The following ST3GAL5 variants were observed in gnomAD, a reference collection of about 807,000 sequenced individuals.
The protein encoded by ST3GAL5 is lactosylceramide alpha-2,3-sialyltransferase.
ST3GAL5 carries 25 observed loss-of-function variants against 46.1 expected under a neutral mutation model. The observed-to-expected ratio is 0.54, with a 90% CI of 0.40 to 0.76. ST3GAL5 has a LOEUF of 0.76. ST3GAL5 is among the 30% of genes least tolerant of loss of function. The pLI is 0.00. For synonymous variants in ST3GAL5, 182 were observed against 192.7 expected, an observed-to-expected ratio of 0.94 and a Z score of 0.46; for missense variants, 431 against 521.2, an observed-to-expected ratio of 0.83 and a Z score of 1.69.
At chr2:85,862,499 T>TAA (rs61164697) in intron 2 of ST3GAL5, among the ~76,000 whole-genome samples, 16 of 150,376 alleles carry the variant, frequency 1.1e-4, no homozygotes, top group South Asian at 4.2e-4. Context: ...TATTTTGATT[T>TAA]AAAAAAAAAA....
chr2:85,843,735 C>T (rs985064703), intron 6 of ST3GAL5, among the ~76,000 whole-genome samples: 3 of 152,216 alleles, frequency 2.0e-5, no homozygotes, highest in East Asian at 1.9e-4. Flanking sequence ...CACACCCCCA[C>T]GCCCCTGGTG....
At chr2:85,875,533 G>A (rs1573700896) in intron 1 of ST3GAL5, 3 of 152,072 alleles carry the variant, frequency 2.0e-5, no homozygotes, top group Non-Finnish European at 2.9e-5. Flanking sequence ...AAAATGTTAC[G>A]ATTCTCACTC....
intron 1 of ST3GAL5, among the ~76,000 whole-genome samples, chr2:85,881,870 C>T (rs997319126): frequency 2.6e-5 from 4 of 152,224 alleles, no homozygotes; most frequent in African/African-American, 4.8e-5. Flanking sequence ...TAATGTTAAT[C>T]CCCAAGACCC....
chr2:85,838,241 G>T lies in ST3GAL5; in HGVS notation c.*1903C>A, dbSNP rs11127002. The T allele has an allele frequency of 0.45, 68,128 of 151,958 alleles. 15,703 individuals carry two copies. The highest frequency in any genetic ancestry group is 0.56 in the East Asian group (2,893 of 5,146). The allele number at this position is 151,958 out of a possible 1,614,324, so 9.4% of individuals were successfully genotyped here. A position where few individuals can be genotyped will look rare whatever the true frequency, so the allele number is the denominator to read the frequency against. Reference sequence around the variant, plus strand: ...TGGGGATGGGAGCAGGCCTGAGAATGGCTGCAAGCTGACCAAGTGGAAGCT... The same window carrying T: ...TGGGGATGGGAGCAGGCCTGAGAATTGCTGCAAGCTGACCAAGTGGAAGCT... On this transcript the variant is annotated 3_prime_UTR_variant, in exon 7 of 7. Transcript: ENST00000638572.
chr2:85,853,177 G>A (rs982808632), intron 3 of ST3GAL5: 4 of 923,018 alleles, frequency 4.3e-6, no homozygotes, highest in African/African-American at 1.7e-5. Context: ...ACGTGCCCTC[G>A]TCTCTCTTAA....
chr2:85,858,809 T>C (rs1443383730), intron 3 of ST3GAL5, among the ~76,000 whole-genome samples: 1 of 152,376 alleles, frequency 6.6e-6, no homozygotes, highest in East Asian at 1.9e-4. Context: ...CTGACTGCCA[T>C]GTGCCCTGTA....
At chr2:85,866,982 T>C (rs866811482) in intron 1 of ST3GAL5, among the ~76,000 whole-genome samples, 3 of 152,220 alleles carry the variant, frequency 2.0e-5, no homozygotes, top group Non-Finnish European at 4.4e-5. Flanking sequence ...GAAATTATAA[T>C]GGCAAGAATA....
intron 1 of ST3GAL5, among the ~76,000 whole-genome samples, chr2:85,879,973 T>C (rs1245914597): frequency 2.6e-5 from 4 of 152,274 alleles, no homozygotes; most frequent in African/African-American, 9.6e-5. Flanking sequence ...CCAAATAGGA[T>C]CTTAGAAATA....
chr2:85,851,600 T>C, intron 3 of ST3GAL5: 1 of 1,289,440 alleles, frequency 7.8e-7, no homozygotes, highest in Non-Finnish European at 1.0e-6. Context: ...TTTAAGTAAG[T>C]TGAACCGGCA....
At chr2:85,879,337 G>A (rs1686909354) in intron 1 of ST3GAL5, among the ~76,000 whole-genome samples, 1 of 152,168 alleles carries the variant, frequency 6.6e-6, no homozygotes, top group South Asian at 2.1e-4. Flanking sequence ...AACAAATTCA[G>A]GTGGCTAAAG....
chr2:85,883,971 G>A (rs1459459316), intron 1 of ST3GAL5, among the ~76,000 whole-genome samples: 3 of 152,030 alleles, frequency 2.0e-5, no homozygotes, highest in Non-Finnish European at 4.4e-5. Flanking sequence ...GATCACCCTC[G>A]CCAATTTCAC....
At chr2:85,870,722 G>T (rs989239002) in intron 1 of ST3GAL5, among the ~76,000 whole-genome samples, 1 of 151,298 alleles carries the variant, frequency 6.6e-6, no homozygotes, top group Non-Finnish European at 1.5e-5. Context: ...TGTTGCCCGG[G>T]CTGAAGTGCA....
intron 1 of ST3GAL5, among the ~76,000 whole-genome samples, chr2:85,882,424 G>A (rs1687259501): frequency 6.6e-6 from 1 of 152,220 alleles, no homozygotes; most frequent in Admixed American, 6.5e-5. Context: ...GGCTAGGAGG[G>A]AGGGCGTAAC....
chr2:85,875,248 A>G (rs1686406289), intron 1 of ST3GAL5, among the ~76,000 whole-genome samples: 1 of 151,592 alleles, frequency 6.6e-6, no homozygotes, highest in African/African-American at 2.4e-5. Context: ...TTGTAGAGAT[A>G]GAGTCTAAGC....
rs1202310105 is a variant in ST3GAL5 at position 85,872,854 on chromosome 2, G to A, written c.83-9369C>T. On this transcript the variant is annotated intron_variant, in intron 1 of 6. Transcript: ENST00000638572. ...GTGTTTGAGAGGAAGAATTCCACTT[G>A]GCAAAGGAGAACGGAAGACAAGGCA... 2.0e-5 allele frequency among the ~76,000 whole-genome samples: 3 copies of A among 152,230 alleles called. No homozygotes were observed. The East Asian group carries it at 5.8e-4, about 29-fold the overall frequency.
intron 1 of ST3GAL5, among the ~76,000 whole-genome samples, chr2:85,865,482 C>T (rs1685197470): frequency 6.6e-6 from 1 of 151,978 alleles, no homozygotes. Flanking sequence ...GTGTTGAGGG[C>T]CTTATTAATA....
intron 1 of ST3GAL5, chr2:85,881,019 G>A (rs554164003): frequency 2.0e-5 from 10 of 499,378 alleles, no homozygotes; most frequent in Admixed American, 8.2e-5. Flanking sequence ...CACGTGTTGT[G>A]GGAGGGACCC....
intron 1 of ST3GAL5, among the ~76,000 whole-genome samples, chr2:85,867,329 A>T (rs1685393426): frequency 6.6e-6 from 1 of 152,224 alleles, no homozygotes; most frequent in Non-Finnish European, 1.5e-5. Context: ...CTGACTCAGC[A>T]TTTTAATGAG....
At chr2:85,844,686 C>G (rs1682560846) in intron 5 of ST3GAL5, 132 bp from the exon 6 acceptor site, 1 of 1,218,632 alleles carries the variant, frequency 8.2e-7, no homozygotes, top group African/African-American at 1.5e-5. Context: ...CAATCTACTC[C>G]TATAGATTGC....
Sources: gnomAD v4.1 joint callset for allele counts (sites outside exome capture counted in the v4.1 genomes callset) on GRCh38, gnomAD v4.1.1 for gene constraint, MANE v1.5 for transcripts, NCBI Gene and HGNC (gene_info 2026-07-23, HGNC 2026-07-21) for gene names.